Variants in GRM1 observed in about 807,000 individuals in gnomAD.
GRM1 encodes the protein glutamate metabotropic receptor 1, also known as metabotropic glutamate receptor 1.
GRM1 carries 33 observed loss-of-function variants against 90.9 expected under a neutral mutation model. The observed-to-expected ratio is 0.36, with a 90% confidence interval of 0.28 to 0.49. GRM1 has a LOEUF of 0.49. Among genes scored for constraint, GRM1 ranks in the 20% least tolerant of loss-of-function variants. The pLI, the probability that GRM1 is intolerant of heterozygous loss-of-function variation, is 0.99. For missense variants in GRM1, 1,190 were observed against 1,534.3 expected (o/e 0.78, Z 3.75); for synonymous variants, 700 against 613.2 (o/e 1.14, Z -2.09).
At chr6:146,418,718 C>T (rs114946745) in intron 7 of GRM1, among the ~76,000 whole-genome samples, 1,960 of 152,012 alleles carry the variant, frequency 0.013, 48 homozygotes, top group African/African-American at 0.045. Flanking sequence ...AATATTCATA[C>T]TTGGAATATT....
At chr6:146,086,854 G>A (rs1412370983) in intron 1 of GRM1, among the ~76,000 whole-genome samples, 1 of 151,956 alleles carries the variant, frequency 6.6e-6, no homozygotes, top group Non-Finnish European at 1.5e-5. Flanking sequence ...AGTATGTCTA[G>A]CCTCGTGATC....
At chr6:146,148,501 C>T (rs1296196030) in intron 1 of GRM1, among the ~76,000 whole-genome samples, 1 of 151,982 alleles carries the variant, frequency 6.6e-6, no homozygotes, top group Non-Finnish European at 1.5e-5. Flanking sequence ...TTATATCATC[C>T]TTGAAAATGT....
At chr6:146,052,175 G>A (rs1223197248) in intron 1 of GRM1, among the ~76,000 whole-genome samples, 1 of 151,882 alleles carries the variant, frequency 6.6e-6, no homozygotes, top group African/African-American at 2.4e-5. Flanking sequence ...TTTGTCTGAG[G>A]GAAAGAATTA....
chr6:146,072,516 C>A (rs1325752695), intron 1 of GRM1, among the ~76,000 whole-genome samples: 2 of 152,042 alleles, frequency 1.3e-5, no homozygotes, highest in Non-Finnish European at 2.9e-5. Flanking sequence ...TATAAATAAA[C>A]AAAACTTAAA....
chr6:146,288,275 C>G (rs1166969452), intron 2 of GRM1, among the ~76,000 whole-genome samples: 1 of 151,988 alleles, frequency 6.6e-6, no homozygotes, highest in African/African-American at 2.4e-5. Context: ...ATAGGCAATG[C>G]TGGAGAGGGT....
intron 1 of GRM1, among the ~76,000 whole-genome samples, chr6:146,045,749 CAAAAAAAAAAAAAA>C (rs58055832): frequency 1.1e-5 from 1 of 87,404 alleles, no homozygotes; most frequent in Non-Finnish European, 2.2e-5. Flanking sequence ...TGGAATACAG[CAAAAAAAAAAAAAA>C]AAAAAAAAAA....
chr6:146,150,926 ACGCG>A (rs746871778), intron 1 of GRM1, among the ~76,000 whole-genome samples: 1 of 88,418 alleles, frequency 1.1e-5, no homozygotes, highest in Non-Finnish European at 2.2e-5. Flanking sequence ...AAACACACAC[ACGCG>A]TGTGCGCGCA....
At chr6:146,245,757 A>G (rs1350781017) in intron 2 of GRM1, among the ~76,000 whole-genome samples, 1 of 152,226 alleles carries the variant, frequency 6.6e-6, no homozygotes, top group African/African-American at 2.4e-5. Flanking sequence ...CTAAGGAACA[A>G]AATTCTTTTC....
At chr6:146,337,571 C>T (rs570601561) in intron 3 of GRM1, among the ~76,000 whole-genome samples, 1 of 152,228 alleles carries the variant, frequency 6.6e-6, no homozygotes, top group African/African-American at 2.4e-5. Context: ...CACGACTTGG[C>T]CTTCTCATGA....
intron 3 of GRM1, among the ~76,000 whole-genome samples, chr6:146,311,995 T>G (rs1477293834): frequency 6.6e-6 from 1 of 152,154 alleles, no homozygotes; most frequent in Non-Finnish European, 1.5e-5. Flanking sequence ...CATAATTTTT[T>G]ATTTTAATTT....
intron 1 of GRM1, among the ~76,000 whole-genome samples, chr6:146,085,492 A>T (rs902763227): frequency 3.3e-5 from 5 of 152,136 alleles, no homozygotes; most frequent in Non-Finnish European, 7.4e-5. Context: ...ATCACTCGTA[A>T]GTCTCTTTTC....
At chr6:146,028,495 A>G (rs1158135134), upstream of GRM1, among the ~76,000 whole-genome samples, 28 of 151,702 alleles carry the variant, frequency 1.8e-4, no homozygotes, top group Non-Finnish European at 4.4e-5. Context: ...GCAAACCCCA[A>G]AGCAAGCGCA....
In GRM1 at chr6:146,295,085, T is replaced by G. The variant is rs1208913238; in HGVS notation, c.951-9526T>G. ...GCTGTTTGTCTTACCTTTCCAGTGCTCTCCCCTACTTTCCTGCCTTCTGTT... is the reference window on the plus strand; with the variant it reads ...GCTGTTTGTCTTACCTTTCCAGTGCGCTCCCCTACTTTCCTGCCTTCTGTT... On this transcript the variant is annotated intron_variant, in intron 2 of 7. Transcript: ENST00000282753. Among the ~76,000 whole-genome samples the G allele has an allele frequency of 2.0e-5, 3 of 152,222 alleles. No individual in the cohort carries two copies. The East Asian group carries it at 5.8e-4, about 29-fold the overall frequency.
intron 1 of GRM1, among the ~76,000 whole-genome samples, chr6:146,140,089 T>C (rs147210536): frequency 3.1e-5 from 2 of 64,168 alleles, no homozygotes; most frequent in South Asian, 6.6e-4. Flanking sequence ...TTTCTTTCTT[T>C]ATTCTTTCTT....
intron 2 of GRM1, among the ~76,000 whole-genome samples, chr6:146,200,362 G>A (rs1348411441): frequency 2.0e-5 from 3 of 152,080 alleles, no homozygotes. Context: ...ATCCAACTTA[G>A]CAATAACCAG....
intron 2 of GRM1, among the ~76,000 whole-genome samples, chr6:146,218,653 C>T (rs1438687169): frequency 6.6e-6 from 1 of 152,044 alleles, no homozygotes; most frequent in Non-Finnish European, 1.5e-5. Flanking sequence ...GGATTCAGAT[C>T]CTCACTTAAT....
At chr6:146,287,790 C>T (rs1782819846) in intron 2 of GRM1, among the ~76,000 whole-genome samples, 1 of 152,090 alleles carries the variant, frequency 6.6e-6, no homozygotes, top group South Asian at 2.1e-4. Context: ...GGGCCACAAG[C>T]CAAGGAATGC....
intron 1 of GRM1, among the ~76,000 whole-genome samples, chr6:146,068,626 G>T (rs1409089802): frequency 1.3e-5 from 2 of 152,150 alleles, no homozygotes; most frequent in Non-Finnish European, 2.9e-5. Context: ...ATTGTTAAAT[G>T]ATTTGTCTTG....
intron 2 of GRM1, among the ~76,000 whole-genome samples, chr6:146,220,605 AG>A (rs1780027758): frequency 6.6e-6 from 1 of 152,170 alleles, no homozygotes; most frequent in Non-Finnish European, 1.5e-5. Flanking sequence ...ATCTTCATTA[AG>A]ACAAATATTT....
Sources: allele counts gnomAD v4.1 joint callset (sites outside exome capture counted in the v4.1 genomes callset), GRCh38; gene constraint gnomAD v4.1.1; transcripts MANE v1.5; gene names NCBI Gene and HGNC (gene_info 2026-07-23, HGNC 2026-07-21).